OPCML: variants seen among roughly 807,000 people sequenced by gnomAD.
The protein encoded by OPCML is opioid-binding protein/cell adhesion molecule.
In OPCML, 13 loss-of-function variants were observed where a neutral mutation model predicts 37.8. The observed-to-expected ratio is 0.34, with a 90% CI of 0.22 to 0.55. OPCML has a LOEUF of 0.55. Among genes scored for constraint, OPCML ranks in the 20% least tolerant of loss-of-function variants. The pLI, the probability that OPCML is intolerant of heterozygous loss-of-function variation, is 0.91. For synonymous variants in OPCML, 176 were observed against 168.8 expected (o/e 1.04, Z -0.33); for missense variants, 341 against 435.6 (o/e 0.78, Z 1.93).
At chr11:132,552,076 G>A (rs529364184) in intron 3 of OPCML, among the ~76,000 whole-genome samples, 1 of 152,314 alleles carries the variant, frequency 6.6e-6, no homozygotes, top group South Asian at 2.1e-4. Context: ...GAGCTTCTCA[G>A]TCACTAGAAG....
At chr11:132,869,643 A>G (rs1332223315) in intron 2 of OPCML, among the ~76,000 whole-genome samples, 1 of 152,238 alleles carries the variant, frequency 6.6e-6, no homozygotes, top group Non-Finnish European at 1.5e-5. Context: ...CATCTGTACA[A>G]TCTCCTGCCT....
chr11:132,946,492 A>G (rs1374569962), intron 1 of OPCML, among the ~76,000 whole-genome samples: 1 of 152,178 alleles, frequency 6.6e-6, no homozygotes, highest in Non-Finnish European at 1.5e-5. Flanking sequence ...CACCACCAAC[A>G]CCTGAGTAAC....
chr11:132,497,403 A>T (rs1226549121), intron 4 of OPCML, among the ~76,000 whole-genome samples: 1 of 149,162 alleles, frequency 6.7e-6, no homozygotes, highest in Non-Finnish European at 1.5e-5. Context: ...CTGAACTTAA[A>T]ATAAAAGCTG....
chr11:132,466,371 C>G lies in OPCML; in HGVS notation c.506-29012G>C, dbSNP rs527795727. On this transcript the variant is annotated intron_variant, in intron 4 of 7. Transcript: ENST00000524381. ...TGGTGGCGGGCGCCTGTAGTCCCAG[C>G]TACTCAGGAGGCTGAGGCAGGAGAA... Among the ~76,000 whole-genome samples, 26 of 150,710 alleles carry G rather than the reference C, an allele frequency of 1.7e-4. No homozygotes were observed. In the South Asian group the frequency reaches 4.9e-3, roughly 28 times the overall value.
chr11:132,943,182 G>A lies in OPCML; in HGVS notation c.62-172C>T. 4 of 1,585,470 alleles carry A rather than the reference G, an allele frequency of 2.5e-6. 1 individual carries two copies. In the South Asian group the frequency reaches 4.6e-5, roughly 18 times the overall value. On this transcript the variant is annotated intron_variant, in intron 1 of 7. Coordinates refer to ENST00000524381, the MANE Select transcript of OPCML (RefSeq NM_001012393.5). The surrounding 1 kb of genome is among the most constrained non-coding windows in gnomAD (Gnocchi z 4.3). Reference sequence around the variant, plus strand: ...CCAGCGGGCTCGGGAAGCGGTGCGGGGAGGAGGGAAGGGGCAGAGTTCGCC... The same window carrying A: ...CCAGCGGGCTCGGGAAGCGGTGCGGAGAGGAGGGAAGGGGCAGAGTTCGCC...
At chr11:132,869,675 A>G (rs1471417749) in intron 2 of OPCML, among the ~76,000 whole-genome samples, 1 of 152,216 alleles carries the variant, frequency 6.6e-6, no homozygotes, top group Non-Finnish European at 1.5e-5. Context: ...TGATCTTATT[A>G]TGTGGACTGT....
chr11:132,616,116 A>ACTTTTT (rs1201042637), intron 3 of OPCML, among the ~76,000 whole-genome samples: 1 of 152,148 alleles, frequency 6.6e-6, no homozygotes, highest in African/African-American at 2.4e-5. Context: ...CTCAATAAAA[A>ACTTTTT]CTTTTTTTGT....
chr11:133,294,190 A>AAGGGAAT (rs1942563472), intron 1 of OPCML, among the ~76,000 whole-genome samples: 1 of 152,092 alleles, frequency 6.6e-6, no homozygotes, highest in Admixed American at 6.6e-5. Context: ...CATCACTGAC[A>AAGGGAAT]ACAGCATGAA....
chr11:133,251,342 C>T (rs1193960320), intron 1 of OPCML, among the ~76,000 whole-genome samples: 1 of 152,012 alleles, frequency 6.6e-6, no homozygotes, highest in Admixed American at 6.6e-5. Flanking sequence ...CCCAAGCAGG[C>T]AGGCATCTAG....
At chr11:132,479,882 A>G (rs12285080) in intron 4 of OPCML, among the ~76,000 whole-genome samples, 2 of 152,078 alleles carry the variant, frequency 1.3e-5, no homozygotes, top group Admixed American at 6.5e-5. Context: ...CATCACCATC[A>G]TCAAAGACCA....
chr11:133,116,897 C>A (rs946683294), intron 1 of OPCML, among the ~76,000 whole-genome samples: 31 of 151,358 alleles, frequency 2.0e-4, no homozygotes, highest in African/African-American at 5.6e-4. Flanking sequence ...TCAATTATTT[C>A]TGTGGTGGTT....
At chr11:132,948,272 G>T (rs115192701) in intron 1 of OPCML, among the ~76,000 whole-genome samples, 1 of 152,206 alleles carries the variant, frequency 6.6e-6, no homozygotes, top group South Asian at 2.1e-4. Flanking sequence ...ACCAGGGTTG[G>T]TCAGGAGGCA....
At chr11:132,583,378 A>G (rs1565684507) in intron 3 of OPCML, among the ~76,000 whole-genome samples, 2 of 152,196 alleles carry the variant, frequency 1.3e-5, no homozygotes, top group East Asian at 3.9e-4. Context: ...GGCTTATTGT[A>G]GCCTCGAACT....
At chr11:133,386,256 C>T (rs906538924) in intron 1 of OPCML, among the ~76,000 whole-genome samples, 1 of 152,158 alleles carries the variant, frequency 6.6e-6, no homozygotes, top group Admixed American at 6.5e-5. Context: ...CAGAATTATA[C>T]TTTAATTAGC....
At chr11:132,511,282 C>A (rs745869686) in intron 4 of OPCML, among the ~76,000 whole-genome samples, 2 of 151,912 alleles carry the variant, frequency 1.3e-5, no homozygotes, top group Non-Finnish European at 2.9e-5. Context: ...TTAGCCAAGA[C>A]TTAATAAAGG....
At chr11:133,185,878 T>C (rs779775564) in intron 1 of OPCML, among the ~76,000 whole-genome samples, 4 of 152,266 alleles carry the variant, frequency 2.6e-5, no homozygotes, top group Admixed American at 1.3e-4. Flanking sequence ...GTGAAAAGCA[T>C]GAGGTATGAT....
intron 2 of OPCML, among the ~76,000 whole-genome samples, chr11:132,832,732 G>T (rs1391148482): frequency 6.6e-6 from 1 of 152,190 alleles, no homozygotes; most frequent in Non-Finnish European, 1.5e-5. Context: ...GCTCAACAGA[G>T]TGTACATACA....
chr11:132,427,777 G>A (rs946302609), intron 7 of OPCML, among the ~76,000 whole-genome samples: 3 of 152,196 alleles, frequency 2.0e-5, no homozygotes, highest in African/African-American at 4.8e-5. Context: ...TAAATGCTCA[G>A]GCTAATAGCC....
chr11:133,074,112 G>T (rs1456592191), intron 1 of OPCML, among the ~76,000 whole-genome samples: 1 of 152,176 alleles, frequency 6.6e-6, no homozygotes, highest in African/African-American at 2.4e-5. Context: ...AGCCCTTGGG[G>T]CCATACAGAA....
Sources: gnomAD v4.1 joint callset for allele counts (sites outside exome capture counted in the v4.1 genomes callset) on GRCh38, gnomAD v4.1.1 for gene constraint, Gnocchi (gnomAD v3.1) non-coding constraint, MANE v1.5 for transcripts, NCBI Gene and HGNC (gene_info 2026-07-23, HGNC 2026-07-21) for gene names.